The following MBD5 variants were observed in gnomAD, a reference collection of about 807,000 sequenced individuals.
MBD5 encodes the protein methyl-CpG-binding domain protein 5.
Under a neutral mutation model 117.3 loss-of-function variants are expected in MBD5, and 13 were observed. That is an observed-to-expected ratio of 0.11 (90% confidence interval 0.07 to 0.18). The LOEUF (loss-of-function observed/expected upper bound fraction) is 0.18, where lower values mean the gene tolerates loss of function less well. Among genes scored for constraint, MBD5 ranks in the 10% least tolerant of loss-of-function variants. The pLI is 1.00. For missense variants in MBD5, 1,879 were observed against 2,093.8 expected, an observed-to-expected ratio of 0.90 and a Z score of 2.00; for synonymous variants, 727 against 766.4, an observed-to-expected ratio of 0.95 and a Z score of 0.85.
At chr2:148,441,379 GT>G (rs1706319077) in intron 4 of MBD5, among the ~76,000 whole-genome samples, 1 of 152,054 alleles carries the variant, frequency 6.6e-6, no homozygotes, top group African/African-American at 2.4e-5. Flanking sequence ...CCTTGCGATA[GT>G]TTGCTGAGAA....
intron 2 of MBD5, among the ~76,000 whole-genome samples, chr2:148,213,971 A>T (rs1005619970): frequency 1.3e-5 from 2 of 152,212 alleles, no homozygotes; most frequent in Admixed American, 6.5e-5. Context: ...CCAAGTGATC[A>T]ACTGACTGAG....
intron 4 of MBD5, among the ~76,000 whole-genome samples, chr2:148,421,565 A>G (rs907062109): frequency 6.6e-6 from 1 of 152,080 alleles, no homozygotes; most frequent in Non-Finnish European, 1.5e-5. Context: ...GCACCTGGAA[A>G]TGCCAGTGAG....
At chr2:148,427,980 G>A (rs536067256) in intron 4 of MBD5, among the ~76,000 whole-genome samples, 111 of 152,188 alleles carry the variant, frequency 7.3e-4, no homozygotes, top group African/African-American at 2.5e-3. Flanking sequence ...ACATAGTATT[G>A]GAAGTGTTGG....
At chr2:148,069,184 T>C (rs1032999495) in intron 1 of MBD5, among the ~76,000 whole-genome samples, 2 of 152,204 alleles carry the variant, frequency 1.3e-5, no homozygotes, top group African/African-American at 2.4e-5. Flanking sequence ...TTTGTTACTC[T>C]GTGTGTATAA....
At chr2:148,150,960 C>G (rs1697642694) in intron 1 of MBD5, among the ~76,000 whole-genome samples, 1 of 151,406 alleles carries the variant, frequency 6.6e-6, no homozygotes, top group Non-Finnish European at 1.5e-5. Flanking sequence ...TTGCCCTGGC[C>G]AGAACTTCCA....
intron 4 of MBD5, among the ~76,000 whole-genome samples, chr2:148,382,812 C>T (rs1018762392): frequency 2.6e-5 from 4 of 151,938 alleles, no homozygotes; most frequent in African/African-American, 4.8e-5. Context: ...CACTCAAAAC[C>T]GCTCAACTAC....
chr2:148,497,630 A>G (rs1224143913), intron 11 of MBD5, among the ~76,000 whole-genome samples: 2 of 152,000 alleles, frequency 1.3e-5, no homozygotes, highest in Non-Finnish European at 2.9e-5. Flanking sequence ...TCAAGGCTGC[A>G]GTGAGCATGC....
At chr2:148,397,034 C>A (rs188414009) in intron 4 of MBD5, among the ~76,000 whole-genome samples, 93 of 152,210 alleles carry the variant, frequency 6.1e-4, no homozygotes, top group African/African-American at 2.1e-3. Flanking sequence ...TCCTGAGGCC[C>A]CACACAGCCA....
At chr2:148,432,895 C>A (rs1706033409) in intron 4 of MBD5, among the ~76,000 whole-genome samples, 1 of 152,054 alleles carries the variant, frequency 6.6e-6, no homozygotes, top group African/African-American at 2.4e-5. Context: ...TTTTCTAATT[C>A]TGTGAAGAAT....
rs1559080580 is a variant in MBD5 at position 148,458,741 on chromosome 2, C to T, written c.-18C>T. 4.4e-6 allele frequency: 7 copies of T among 1,590,342 alleles called. No individual in the cohort carries two copies. The highest frequency in any genetic ancestry group is 6.0e-6 in the Non-Finnish European group (7 of 1,158,524). Reference sequence around the variant, plus strand: ...CTTATTGCTGATATCTTTGGAGAGTCCCTAGCAGACACAGAAAATGAATGG... The same window carrying T: ...CTTATTGCTGATATCTTTGGAGAGTTCCTAGCAGACACAGAAAATGAATGG... On this transcript the variant is annotated 5_prime_UTR_variant, in exon 5 of 14. Coordinates refer to ENST00000642680, the MANE Select transcript of MBD5 (RefSeq NM_001378120.1).
chr2:148,070,555 T>C (rs1395036364), intron 1 of MBD5, among the ~76,000 whole-genome samples: 1 of 152,150 alleles, frequency 6.6e-6, no homozygotes, highest in Non-Finnish European at 1.5e-5. Flanking sequence ...GGATAGAGGG[T>C]ATAAAACTCT....
intron 2 of MBD5, among the ~76,000 whole-genome samples, chr2:148,230,464 G>C (rs1699956232): frequency 6.6e-6 from 1 of 152,048 alleles, no homozygotes; most frequent in African/African-American, 2.4e-5. Flanking sequence ...CTCTGACCCA[G>C]AGCAGGTCCA....
At chr2:148,417,107 A>G (rs1330699399) in intron 4 of MBD5, among the ~76,000 whole-genome samples, 1 of 152,020 alleles carries the variant, frequency 6.6e-6, no homozygotes, top group Non-Finnish European at 1.5e-5. Flanking sequence ...ATACATGTGC[A>G]GGTATCTTCT....
chr2:148,482,993 A>G (rs1325440730), intron 8 of MBD5, 117 bp from the exon 9 acceptor site: 12 of 1,132,232 alleles, frequency 1.1e-5, no homozygotes, highest in African/African-American at 1.6e-5. Flanking sequence ...GTTACAATCA[A>G]TGAAGGTGCC....
At chr2:148,500,482 G>C (rs1217860445) in intron 11 of MBD5, among the ~76,000 whole-genome samples, 4 of 152,008 alleles carry the variant, frequency 2.6e-5, no homozygotes, top group African/African-American at 4.8e-5. Context: ...CATATTAAAT[G>C]ATAAAACAGT....
rs1051520246 is a variant in MBD5 at position 148,513,197 on chromosome 2, T to C, written c.*256T>C. On this transcript the variant is annotated 3_prime_UTR_variant, in exon 14 of 14. Transcript: ENST00000642680. ...CAAGAGATTACTGAGAAACTCTTTT[T>C]CTATAATACTAAATTGTGATTATAA... 2.1e-6 allele frequency: 1 copy of C among 472,718 alleles called. No homozygotes were observed. Among genetic ancestry groups the C allele is most frequent in the Non-Finnish European group, 3.8e-6 (1 of 261,550 alleles). The allele number at this position is 472,718 out of a possible 1,614,324, so 29.3% of individuals were successfully genotyped here.
rs771519386 is a variant in MBD5, at chr2:148,469,821, T to C, written c.1878T>C (p.Pro626=). The C allele has an allele frequency of 1.2e-6, 2 of 1,613,818 alleles. No individual in the cohort carries two copies. The highest frequency in any genetic ancestry group is 4.5e-5 in the East Asian group (2 of 44,884). ...GHSTLNTMFP[P]TANMLLPTGE... is the part of the protein sequence containing the mutation. ...GCACTTTAAACACCATGTTCCCTCC[T>C]ACTGCCAACATGCTTCTCCCAACAG... Residue 626 remains proline, a synonymous_variant, in exon 8 of 14, where the codon CCT becomes CCC. Coordinates refer to ENST00000642680, the MANE Select transcript of MBD5 (RefSeq NM_001378120.1).
At chr2:148,159,177 A>C (rs535654029) in intron 1 of MBD5, among the ~76,000 whole-genome samples, 1 of 152,188 alleles carries the variant, frequency 6.6e-6, no homozygotes, top group Non-Finnish European at 1.5e-5. Flanking sequence ...TCTGTTTCCA[A>C]ATCCGTGCTT....
intron 4 of MBD5, among the ~76,000 whole-genome samples, chr2:148,382,532 A>G (rs1704185179): frequency 6.6e-6 from 1 of 152,214 alleles, no homozygotes; most frequent in Admixed American, 6.5e-5. Context: ...CACTGTCAAC[A>G]TTAGACAGAT....
Sources: gnomAD v4.1 joint callset for allele counts (sites outside exome capture counted in the v4.1 genomes callset) on GRCh38, gnomAD v4.1.1 for gene constraint, MANE v1.5 for transcripts, NCBI Gene and HGNC (gene_info 2026-07-23, HGNC 2026-07-21) for gene names.